TMEM61: variants seen among roughly 807,000 people sequenced by gnomAD.
TMEM61 encodes transmembrane protein 61.
Under a neutral mutation model 12.0 loss-of-function variants are expected in TMEM61, and 13 were observed. That is an observed-to-expected ratio of 1.08 (90% confidence interval 0.70 to 1.72). The LOEUF is 1.72. Among genes scored for constraint, TMEM61 ranks in the 40% most tolerant of loss-of-function variants. The pLI is 0.00. For missense variants in TMEM61, 249 were observed against 276.9 expected, an observed-to-expected ratio of 0.90 and a Z score of 0.71; for synonymous variants, 109 against 121.4, an observed-to-expected ratio of 0.90 and a Z score of 0.67.
Position 54,980,641 on chromosome 1 carries a change from T to C in TMEM61, c.-425T>C, listed in dbSNP as rs1644211445. On this transcript the variant is annotated 5_prime_UTR_variant, in exon 1 of 3. Transcript: ENST00000371268. ...GGGCTGGGCGACAGCGCTGGACACC[T>C]GGAGCTGCCCGAGGACGCGGAGGAG... 6.6e-6 allele frequency among the ~76,000 whole-genome samples: 1 copy of C among 152,132 alleles called. No homozygotes were observed. The highest frequency in any genetic ancestry group is 1.9e-4 in the East Asian group (1 of 5,154).
chr1:54,990,796 C>T (rs1363853160), intron 2 of TMEM61, among the ~76,000 whole-genome samples: 2 of 152,200 alleles, frequency 1.3e-5, no homozygotes, highest in Admixed American at 6.5e-5. Flanking sequence ...CCCATTTAAC[C>T]TGCACTCTGT....
intron 2 of TMEM61, 85 bp downstream of exon 2, chr1:54,986,531 C>A: frequency 8.2e-7 from 1 of 1,226,772 alleles, no homozygotes; most frequent in Non-Finnish European, 1.1e-6. Flanking sequence ...TTTGTAATTC[C>A]AGCAAATTCT....
At chr1:54,988,279 T>A (rs1350293595) in intron 2 of TMEM61, among the ~76,000 whole-genome samples, 2 of 152,214 alleles carry the variant, frequency 1.3e-5, no homozygotes, top group African/African-American at 2.4e-5. Flanking sequence ...GTGTTGCCTG[T>A]ACACACAGCC....
chr1:54,990,435 C>T (rs551748057), intron 2 of TMEM61, among the ~76,000 whole-genome samples: 6 of 152,290 alleles, frequency 3.9e-5, no homozygotes, highest in Admixed American at 1.3e-4. Context: ...TCCAGGTCCC[C>T]GGTGGGTGCT....
chr1:54,986,561 A>G (rs550974704), intron 2 of TMEM61, 115 bp downstream of exon 2: 1 of 965,170 alleles, frequency 1.0e-6, no homozygotes, highest in East Asian at 2.5e-5. Flanking sequence ...CCTCCTTTGG[A>G]TCAGGCTTTG....
intron 2 of TMEM61, among the ~76,000 whole-genome samples, chr1:54,991,002 C>G (rs1314935579): frequency 6.6e-6 from 1 of 152,226 alleles, no homozygotes. Context: ...AAGAGCAGCC[C>G]ACACCCAGGA....
intron 2 of TMEM61, among the ~76,000 whole-genome samples, chr1:54,988,447 G>T (rs375580431): frequency 6.6e-6 from 1 of 152,232 alleles, no homozygotes; most frequent in Non-Finnish European, 1.5e-5. Context: ...AAAACTGGGG[G>T]GCTGGGGGTC....
chr1:54,991,716 C>A, intron 2 of TMEM61, 120 bp from the exon 3 acceptor site: 1 of 1,227,508 alleles, frequency 8.1e-7, no homozygotes, highest in South Asian at 1.4e-5. Flanking sequence ...CCCTGGAGAG[C>A]CACAAAGGCT....
rs556843700 is a variant in TMEM61 at position 54,987,426 on chromosome 1, CT to C, written c.365+990del. 2.5e-3 allele frequency among the ~76,000 whole-genome samples: 371 copies of C among 150,266 alleles called. 3 individuals carry two copies. The highest frequency in any genetic ancestry group is 8.5e-3 in the African/African-American group (350 of 41,012). On this transcript the variant is annotated intron_variant, in intron 2 of 2. Coordinates refer to ENST00000371268, the MANE Select transcript of TMEM61 (RefSeq NM_182532.3). Reference sequence around the variant, plus strand: ...CCTGCCTTGTGCCATCCTTCTTAGACTTTTTTTTTTCCAAATCCTCTTCCAT... The same window carrying C: ...CCTGCCTTGTGCCATCCTTCTTAGACTTTTTTTTTCCAAATCCTCTTCCAT...
Position 54,992,169 on chromosome 1 carries a change from G to C in TMEM61, c.*66G>C. On this transcript the variant is annotated 3_prime_UTR_variant, in exon 3 of 3. Transcript: ENST00000371268. ...TGCCTTCTCCAGAGTCTTATGCAGT[G>C]CCTGGGACACAGTAGGCACTCAGCA... is the stretch of plus-strand genomic sequence containing the variant. The C allele has an allele frequency of 6.4e-7, 1 of 1,551,912 alleles. No homozygotes were observed. The highest frequency in any genetic ancestry group is 1.2e-5 in the South Asian group (1 of 83,688).
At chr1:54,982,878 A>G (rs1644232486) in intron 1 of TMEM61, among the ~76,000 whole-genome samples, 1 of 152,140 alleles carries the variant, frequency 6.6e-6, no homozygotes, top group Non-Finnish European at 1.5e-5. Context: ...CCTAGTGGCC[A>G]CAGTGTCTTT....
At chr1:54,985,205 C>T (rs982585979) in intron 1 of TMEM61, among the ~76,000 whole-genome samples, 3 of 146,188 alleles carry the variant, frequency 2.1e-5, no homozygotes, top group African/African-American at 5.3e-5. Context: ...AATAAGGCCA[C>T]GGTGAACGTG....
chr1:54,988,447 G>C (rs375580431), intron 2 of TMEM61, among the ~76,000 whole-genome samples: 64 of 152,350 alleles, frequency 4.2e-4, no homozygotes, highest in African/African-American at 1.5e-3. Context: ...AAAACTGGGG[G>C]GCTGGGGGTC....
At position 54,986,230 on chromosome 1, in the gene TMEM61, T is replaced by C; in HGVS notation, c.149T>C (p.Leu50Pro). 6.2e-7 allele frequency: 1 copy of C among 1,613,832 alleles called. No homozygotes were observed. Among genetic ancestry groups the C allele is most frequent in the South Asian group, 1.1e-5 (1 of 91,070 alleles). The change falls in exon 2 of 3, where the codon CTG (leucine) becomes CCG (proline). Residue 50 changes from leucine (L) to proline (P), a missense_variant. By Grantham distance (98) the Leu-to-Pro change is moderately conservative. Coordinates refer to ENST00000371268, the MANE Select transcript of TMEM61 (RefSeq NM_182532.3). ...EGDATAQPGQ[L>P]APPTEYPVPE... Reference sequence around the variant, plus strand: ...GATGCAACCGCCCAGCCTGGCCAGCTGGCCCCACCCACGGAGTATCCGGTG... The same window carrying C: ...GATGCAACCGCCCAGCCTGGCCAGCCGGCCCCACCCACGGAGTATCCGGTG...
At chr1:54,984,072 G>A (rs1385813247) in intron 1 of TMEM61, among the ~76,000 whole-genome samples, 3 of 152,074 alleles carry the variant, frequency 2.0e-5, no homozygotes, top group Admixed American at 2.0e-4. Context: ...ACACACACAC[G>A]TGTGTTTTTA....
At chr1:54,981,225 C>T (rs1644218678) in intron 1 of TMEM61, 145 bp downstream of exon 1, 1 of 897,382 alleles carries the variant, frequency 1.1e-6, no homozygotes, top group African/African-American at 1.7e-5. Context: ...TTTTATCTTG[C>T]TGGGTGGCTT....
intron 2 of TMEM61, among the ~76,000 whole-genome samples, chr1:54,988,440 A>G (rs1029749998): frequency 6.6e-6 from 1 of 152,172 alleles, no homozygotes; most frequent in Non-Finnish European, 1.5e-5. Context: ...TAGACTCAAA[A>G]CTGGGGGGCT....
At chr1:54,982,733 A>G (rs1644231523) in intron 1 of TMEM61, among the ~76,000 whole-genome samples, 1 of 152,206 alleles carries the variant, frequency 6.6e-6, no homozygotes, top group Admixed American at 6.5e-5. Context: ...TTTCTATATT[A>G]AAAAATACTG....
intron 2 of TMEM61, among the ~76,000 whole-genome samples, chr1:54,987,942 T>G (rs1295355442): frequency 6.6e-6 from 1 of 152,260 alleles, no homozygotes; most frequent in Non-Finnish European, 1.5e-5. Context: ...TGTGACTTCT[T>G]AAAGCTAGAG....
Sources: allele counts gnomAD v4.1 joint callset (sites outside exome capture counted in the v4.1 genomes callset), GRCh38; gene constraint gnomAD v4.1.1; transcripts MANE v1.5; gene names NCBI Gene and HGNC (gene_info 2026-07-23, HGNC 2026-07-21).